PAK4: variants seen among roughly 807,000 people sequenced by gnomAD.
PAK4 encodes p21 (RAC1) activated kinase 4.
PAK4 carries 49 observed loss-of-function variants against 53.5 expected under a neutral mutation model. That is an observed-to-expected ratio of 0.92 (90% CI 0.73 to 1.16). PAK4 has a LOEUF of 1.16. Among genes scored for constraint, PAK4 ranks in the 50% most tolerant of loss-of-function variants. The probability of loss-of-function intolerance (pLI) is 0.00; values close to 1 mark genes in which losing one functional copy is unlikely to be tolerated. For missense variants in PAK4, 824 were observed against 850.7 expected (o/e 0.97, Z 0.39); for synonymous variants, 376 against 375.6 (o/e 1.00, Z -0.01).
Position 39,175,139 on chromosome 19 carries a change from T to G in PAK4, c.1232+75T>G. The G allele has an allele frequency of 6.5e-7, 1 of 1,539,676 alleles. No individual in the cohort carries two copies. The highest frequency in any genetic ancestry group is 8.8e-7 in the Non-Finnish European group (1 of 1,135,512). On this transcript the variant is annotated intron_variant, in intron 5 of 8. Coordinates refer to ENST00000358301, the Ensembl canonical transcript of PAK4. The surrounding 1 kb of genome is among the most constrained non-coding windows in gnomAD (Gnocchi z 4.7). ...AGACCACTAGGGGTGGGGCCACATC[T>G]CCAAACCAGCTGTGCTCCGGGCCCC...
chr19:39,167,029 C>G lies in PAK4; in HGVS notation c.-22-2503C>G, dbSNP rs567812591. 1.2e-3 allele frequency among the ~76,000 whole-genome samples: 188 copies of G among 152,326 alleles called. 1 individual carries two copies. The highest frequency in any genetic ancestry group is 1.6e-3 in the Non-Finnish European group (106 of 68,008). The stretch of plus-strand genomic sequence containing the variant: ...ATGGGTGGGAGGGCAGGAGGCCAGG[C>G]GTCGGAGGACATCCCCCAGACCCCA... On this transcript the variant is annotated intron_variant, in intron 1 of 8. Transcript: ENST00000358301.
At chr19:39,131,142 G>A (rs1483380816) in intron 1 of PAK4, among the ~76,000 whole-genome samples, 3 of 152,158 alleles carry the variant, frequency 2.0e-5, no homozygotes, top group African/African-American at 7.2e-5. Context: ...CAGTGGCAGA[G>A]GTAGGATTGA....
At chr19:39,146,054 T>G (rs1335113355) in intron 1 of PAK4, among the ~76,000 whole-genome samples, 1 of 152,208 alleles carries the variant, frequency 6.6e-6, no homozygotes, top group Non-Finnish European at 1.5e-5. Context: ...TAGAAGCTAG[T>G]GTGTGGAAGC....
intron 1 of PAK4, among the ~76,000 whole-genome samples, chr19:39,163,347 C>T (rs758141484): frequency 6.6e-6 from 1 of 152,168 alleles, no homozygotes; most frequent in Admixed American, 6.5e-5. Context: ...TCTGGGTGGG[C>T]CAGCCCCCTC....
At position 39,173,177 on chromosome 19, in the gene PAK4, G is replaced by C. The variant is rs778447389; in HGVS notation, c.464G>C (p.Gly155Ala). Residue 155 changes from glycine (G) to alanine (A), a missense_variant, in exon 3 of 9, where the codon GGG becomes GCG. Gly to Ala is a moderately conservative substitution (Grantham distance 60). Around this residue, in one of 2 missense-constraint regions of PAK4, gnomAD observed 478 missense variants for 435.8 expected, o/e 1.10. Transcript: ENST00000358301. The surrounding 1 kb of genome is among the most constrained non-coding windows in gnomAD (Gnocchi z 6.9). The stretch of plus-strand genomic sequence containing the variant: ...GGCAGTGGTGACAGGCGACGGGCGG[G>C]GCCAGAGAAGAGGCCCAAGTCTTCC... 2.5e-5 allele frequency: 39 copies of C among 1,541,482 alleles called. No individual in the cohort carries two copies. In the African/African-American group the frequency reaches 5.1e-4, roughly 20 times the overall value.
intron 1 of PAK4, among the ~76,000 whole-genome samples, chr19:39,129,697 G>T (rs953731684): frequency 7.8e-5 from 11 of 140,328 alleles, no homozygotes; most frequent in African/African-American, 2.9e-4. Flanking sequence ...CTGGGACCTC[G>T]TCCCCACTGA....
intron 1 of PAK4, among the ~76,000 whole-genome samples, chr19:39,163,617 T>G (rs1568517566): frequency 6.6e-6 from 1 of 152,210 alleles, no homozygotes; most frequent in Non-Finnish European, 1.5e-5. Context: ...TCCCGCATGT[T>G]AAAGAATTCA....
At chr19:39,172,890 C>G in intron 2 of PAK4, 28 bp from the exon 4 acceptor site, 1 of 1,500,096 alleles carries the variant, frequency 6.7e-7, no homozygotes. Context: ...CTTGCTGGGC[C>G]CCCACCCACC....
Position 39,178,474 on chromosome 19 carries a change from T to C in PAK4, c.1671T>C (p.Pro557=). Residue 557 remains proline, a synonymous_variant, in exon 9 of 9, where the codon CCT becomes CCC. Coordinates refer to ENST00000358301, the Ensembl canonical transcript of PAK4. The surrounding 1 kb of genome is among the most constrained non-coding windows in gnomAD (Gnocchi z 4.4). ...TGGACCGCCTGCTGGTGCGAGACCC[T>C]GCCCAGCGGGCCACGGCAGCCGAGC... The C allele has an allele frequency of 1.9e-6, 3 of 1,609,584 alleles. No individual in the cohort carries two copies. Among genetic ancestry groups the C allele is most frequent in the Non-Finnish European group, 2.5e-6 (3 of 1,178,554 alleles).
chr19:39,129,898 G>A (rs2073667761), intron 1 of PAK4, among the ~76,000 whole-genome samples: 2 of 152,152 alleles, frequency 1.3e-5, no homozygotes, highest in South Asian at 4.1e-4. Context: ...GTGAAAGTTG[G>A]AGGATGGGTG....
rs1375547235 is a variant in PAK4 at position 39,175,258 on chromosome 19, C to T, written c.1233-54C>T. On this transcript the variant is annotated intron_variant, in intron 5 of 8. Coordinates refer to ENST00000358301, the Ensembl canonical transcript of PAK4. The surrounding 1 kb of genome is among the most constrained non-coding windows in gnomAD (Gnocchi z 4.7). ...CTGCAAGGCAGGGCTGCGTCCCCCTCGGCACCCCGGGGTGCTGTCCAGCTG... is the reference window on the plus strand; with the variant it reads ...CTGCAAGGCAGGGCTGCGTCCCCCTTGGCACCCCGGGGTGCTGTCCAGCTG... 3.9e-6 allele frequency: 6 copies of T among 1,532,358 alleles called. No homozygotes were observed. Among genetic ancestry groups the T allele is most frequent in the East Asian group, 2.4e-5 (1 of 41,372 alleles). The allele number at this position is 1,532,358 out of a possible 1,614,324, so 94.9% of individuals were successfully genotyped here.
At chr19:39,133,837 C>T (rs1025883878) in intron 1 of PAK4, among the ~76,000 whole-genome samples, 6 of 152,222 alleles carry the variant, frequency 3.9e-5, no homozygotes, top group African/African-American at 1.4e-4. Flanking sequence ...ACTTCACTCC[C>T]AGAGGCGGAA....
chr19:39,157,926 TC>T (rs1318350848), intron 1 of PAK4, among the ~76,000 whole-genome samples: 1 of 152,244 alleles, frequency 6.6e-6, no homozygotes, highest in Non-Finnish European at 1.5e-5. Flanking sequence ...GTCTTAGGAC[TC>T]GGCTCTATGT....
At chr19:39,127,783 C>T (rs1247384715) in intron 1 of PAK4, among the ~76,000 whole-genome samples, 5 of 152,202 alleles carry the variant, frequency 3.3e-5, no homozygotes, top group Non-Finnish European at 5.9e-5. Context: ...GAGAGTGCCC[C>T]TACCCTGGGC....
intron 1 of PAK4, among the ~76,000 whole-genome samples, chr19:39,129,242 G>A (rs768008137): frequency 6.6e-6 from 1 of 151,686 alleles, no homozygotes; most frequent in Non-Finnish European, 1.5e-5. Flanking sequence ...ATGTCTCTTG[G>A]TGGGGATGTG....
In PAK4 at chr19:39,178,488, C is replaced by T. The variant is rs748759891; in HGVS notation, c.1685C>T (p.Thr562Met). ...GTGCGAGACCCTGCCCAGCGGGCCA[C>T]GGCAGCCGAGCTGCTGAAGCACCCA... The change falls in exon 9 of 9, where the codon ACG (threonine) becomes ATG (methionine). Residue 562 changes from threonine to methionine, a missense_variant. Coordinates refer to ENST00000358301, the Ensembl canonical transcript of PAK4. The surrounding 1 kb of genome is among the most constrained non-coding windows in gnomAD (Gnocchi z 4.4). 8.7e-6 allele frequency: 14 copies of T among 1,611,404 alleles called. No individual in the cohort carries two copies. The highest frequency in any genetic ancestry group is 4.5e-5 in the East Asian group (2 of 44,780).
intron 1 of PAK4, among the ~76,000 whole-genome samples, chr19:39,167,032 C>T (rs779597964): frequency 6.6e-6 from 1 of 152,210 alleles, no homozygotes; most frequent in Admixed American, 6.5e-5. Context: ...GGCCAGGCGT[C>T]GGAGGACATC....
chr19:39,166,002 G>T (rs1173454053), intron 1 of PAK4, among the ~76,000 whole-genome samples: 1 of 152,182 alleles, frequency 6.6e-6, no homozygotes, highest in Non-Finnish European at 1.5e-5. Flanking sequence ...CCTGGAAGAG[G>T]GCTGGTATAC....
intron 1 of PAK4, among the ~76,000 whole-genome samples, chr19:39,164,069 G>A (rs1435114054): frequency 6.6e-6 from 1 of 151,998 alleles, no homozygotes; most frequent in Non-Finnish European, 1.5e-5. Flanking sequence ...CTGAGGTGAG[G>A]AGTTCAAGAC....
Sources: allele counts gnomAD v4.1 joint callset (sites outside exome capture counted in the v4.1 genomes callset), GRCh38; gene constraint gnomAD v4.1.1; regional missense constraint gnomAD v4.1.1; non-coding constraint Gnocchi (gnomAD v3.1); transcripts MANE v1.5; gene names NCBI Gene and HGNC (gene_info 2026-07-23, HGNC 2026-07-21).